Variants in SLC39A8 observed in about 807,000 individuals in gnomAD.
SLC39A8 encodes solute carrier family 39 member 8.
SLC39A8 carries 15 observed loss-of-function variants against 40.4 expected under a neutral mutation model. The ratio of observed to expected loss-of-function variants is 0.37; its 90% confidence interval spans 0.25 to 0.57. The LOEUF is 0.57. Ranked by LOEUF, SLC39A8 falls within the 20% of genes least tolerant of loss-of-function variation. SLC39A8 has a pLI of 0.75. For synonymous variants in SLC39A8, 223 were observed against 221.6 expected, an observed-to-expected ratio of 1.01 and a Z score of -0.06; for missense variants, 472 against 558.8, an observed-to-expected ratio of 0.84 and a Z score of 1.57.
intron 6 of SLC39A8, among the ~76,000 whole-genome samples, chr4:102,271,818 A>G (rs1732375786): frequency 6.6e-6 from 1 of 152,218 alleles, no homozygotes; most frequent in African/African-American, 2.4e-5. Context: ...AAAGGAAGTG[A>G]GACAGTGGGC....
At chr4:102,307,283 T>G (rs559464936) in intron 4 of SLC39A8, among the ~76,000 whole-genome samples, 153 bp downstream of exon 4, 1 of 152,060 alleles carries the variant, frequency 6.6e-6, no homozygotes, top group Non-Finnish European at 1.5e-5. Context: ...GGGACAAGCC[T>G]TTACAATTGC....
chr4:102,307,361 G>A (rs1368645508), intron 4 of SLC39A8, 75 bp downstream of exon 4: 1 of 1,523,130 alleles, frequency 6.6e-7, no homozygotes, highest in South Asian at 1.2e-5. Context: ...GAATTATGGA[G>A]GCTAAAAACA....
intron 6 of SLC39A8, among the ~76,000 whole-genome samples, chr4:102,269,141 T>G: frequency 6.6e-6 from 1 of 151,464 alleles, no homozygotes; most frequent in East Asian, 1.9e-4. Context: ...GAGAAACAAG[T>G]CATAATATAT....
intron 2 of SLC39A8, among the ~76,000 whole-genome samples, chr4:102,335,010 T>C (rs778254477): frequency 1.4e-4 from 22 of 152,180 alleles, no homozygotes; most frequent in Admixed American, 2.6e-4. Context: ...CTGTTTCCTC[T>C]GCCACAGTAA....
intron 3 of SLC39A8, among the ~76,000 whole-genome samples, chr4:102,310,234 C>T (rs1394677851): frequency 6.6e-6 from 1 of 152,048 alleles, no homozygotes; most frequent in African/African-American, 2.4e-5. Context: ...GCCTTCCAAG[C>T]CAACACAAAG....
At chr4:102,338,475 C>T (rs567543999) in intron 2 of SLC39A8, among the ~76,000 whole-genome samples, 91 of 152,256 alleles carry the variant, frequency 6.0e-4, no homozygotes, top group South Asian at 1.0e-3. Flanking sequence ...CGTTAGCCAC[C>T]GCGCCCAGCC....
intron 4 of SLC39A8, among the ~76,000 whole-genome samples, chr4:102,306,828 A>C (rs917752444): frequency 1.3e-5 from 2 of 152,094 alleles, no homozygotes; most frequent in African/African-American, 4.8e-5. Context: ...GATTTGAAAT[A>C]AATTGAATAG....
At chr4:102,321,427 C>T (rs773925507) in intron 2 of SLC39A8, among the ~76,000 whole-genome samples, 1 of 152,186 alleles carries the variant, frequency 6.6e-6, no homozygotes, top group South Asian at 2.1e-4. Context: ...GGGGCAGGAG[C>T]CTGCCCTCTT....
At chr4:102,330,261 T>C (rs1023411712) in intron 2 of SLC39A8, among the ~76,000 whole-genome samples, 1 of 151,704 alleles carries the variant, frequency 6.6e-6, no homozygotes, top group Non-Finnish European at 1.5e-5. Context: ...ATTAACAAAA[T>C]AGATAGATTG....
Position 102,299,475 on chromosome 4 carries a change from G to A in SLC39A8, c.840+4842C>T, listed in dbSNP as rs572168388. 7.2e-5 allele frequency among the ~76,000 whole-genome samples: 11 copies of A among 152,092 alleles called. No homozygotes were observed. In the South Asian group the frequency reaches 8.3e-4, roughly 11 times the overall value. Reference sequence around the variant, plus strand: ...CCTCTCCACTGTGCCCTATGTGCCAGCACTTAGAATAATGCCAAGTATATG... The same window carrying A: ...CCTCTCCACTGTGCCCTATGTGCCAACACTTAGAATAATGCCAAGTATATG... On this transcript the variant is annotated intron_variant, in intron 6 of 8. Coordinates refer to ENST00000356736, the MANE Select transcript of SLC39A8 (RefSeq NM_001135146.2).
At chr4:102,303,774 T>C (rs1734014910) in intron 6 of SLC39A8, among the ~76,000 whole-genome samples, 1 of 151,798 alleles carries the variant, frequency 6.6e-6, no homozygotes, top group African/African-American at 2.4e-5. Context: ...TGAGTAGTTG[T>C]TATAAAAAGT....
chr4:102,268,964 A>G (rs1161526493), intron 6 of SLC39A8, among the ~76,000 whole-genome samples: 1 of 152,234 alleles, frequency 6.6e-6, no homozygotes, highest in African/African-American at 2.4e-5. Flanking sequence ...TTTGCAATTA[A>G]CTGGAGAACA....
downstream of SLC39A8, among the ~76,000 whole-genome samples, chr4:102,259,072 T>C (rs1163603550): frequency 1.3e-5 from 2 of 152,182 alleles, no homozygotes; most frequent in Admixed American, 6.5e-5. Flanking sequence ...TCTGAGCCTC[T>C]CTACAGACAC....
At chr4:102,266,087 A>AT (rs1732084173) in intron 8 of SLC39A8, among the ~76,000 whole-genome samples, 1 of 152,110 alleles carries the variant, frequency 6.6e-6, no homozygotes, top group Admixed American at 6.5e-5. Context: ...ATTTCATAGC[A>AT]TTTTTTATTA....
At chr4:102,258,917 A>G (rs530641521), downstream of SLC39A8, among the ~76,000 whole-genome samples, 3 of 152,264 alleles carry the variant, frequency 2.0e-5, no homozygotes, top group Non-Finnish European at 2.9e-5. Context: ...ATTGTTCCAA[A>G]CCAGAACTTA....
Position 102,276,472 on chromosome 4 carries a change from T to A in SLC39A8, c.841-8393A>T, listed in dbSNP as rs1331015172. Among the ~76,000 whole-genome samples, 6 of 148,292 alleles carry A rather than the reference T, an allele frequency of 4.0e-5. No individual in the cohort carries two copies. In the South Asian group the frequency reaches 8.7e-4, roughly 22 times the overall value. On this transcript the variant is annotated intron_variant, in intron 6 of 8. Coordinates refer to ENST00000356736, the MANE Select transcript of SLC39A8 (RefSeq NM_001135146.2). ...AAACCCTGAAAAGGCCAATAACAAGTCCTGAAATTGAAGCAGTAATTAATA... is the reference window on the plus strand; with the variant it reads ...AAACCCTGAAAAGGCCAATAACAAGACCTGAAATTGAAGCAGTAATTAATA...
intron 6 of SLC39A8, among the ~76,000 whole-genome samples, chr4:102,286,314 T>TA (rs1281320438): frequency 6.6e-6 from 1 of 152,194 alleles, no homozygotes; most frequent in African/African-American, 2.4e-5. Flanking sequence ...TAACTTTTTT[T>TA]ATCAATCAGC....
intron 8 of SLC39A8, among the ~76,000 whole-genome samples, chr4:102,263,519 G>A (rs1393728388): frequency 1.3e-5 from 2 of 152,178 alleles, no homozygotes; most frequent in Non-Finnish European, 2.9e-5. Context: ...CTTTTTGCTG[G>A]TGGAGTCTTG....
chr4:102,320,125 C>T (rs1296980440), intron 2 of SLC39A8, among the ~76,000 whole-genome samples: 1 of 145,882 alleles, frequency 6.9e-6, no homozygotes, highest in East Asian at 2.0e-4. Flanking sequence ...TCAGCCTCCA[C>T]AATCACATGA....
Sources: gnomAD v4.1 joint callset for allele counts (sites outside exome capture counted in the v4.1 genomes callset) on GRCh38, gnomAD v4.1.1 for gene constraint, MANE v1.5 for transcripts, NCBI Gene and HGNC (gene_info 2026-07-23, HGNC 2026-07-21) for gene names.